The following ABCD2 variants were observed in gnomAD, a reference collection of about 807,000 sequenced individuals.
ABCD2 encodes ATP binding cassette subfamily D member 2.
ABCD2 carries 36 observed loss-of-function variants against 70.9 expected under a neutral mutation model. That is an observed-to-expected ratio of 0.51 (90% CI 0.39 to 0.67). The LOEUF is 0.67. Among genes scored for constraint, ABCD2 ranks in the 30% least tolerant of loss-of-function variants. ABCD2 has a pLI of 0.00. For synonymous variants in ABCD2, 304 were observed against 306.9 expected, an observed-to-expected ratio of 0.99 and a Z score of 0.10; for missense variants, 729 against 890.2, an observed-to-expected ratio of 0.82 and a Z score of 2.30.
At chr12:39,539,353 G>A in the ABCD2 span, among the ~76,000 whole-genome samples, 8 of 152,336 alleles carry the variant, frequency 5.3e-5, no homozygotes, top group Non-Finnish European at 1.0e-4. Flanking sequence ...AACAGAACAT[G>A]TCCTAATTAG....
At chr12:39,588,179 A>G (rs1236798310) in intron 6 of ABCD2, among the ~76,000 whole-genome samples, 2 of 152,300 alleles carry the variant, frequency 1.3e-5, no homozygotes, top group Non-Finnish European at 2.9e-5. Flanking sequence ...AAAAATTTCT[A>G]GCCCTATCTA....
intron 9 of ABCD2, among the ~76,000 whole-genome samples, chr12:39,568,392 A>C (rs2120575702): frequency 6.6e-6 from 1 of 152,196 alleles, no homozygotes; most frequent in South Asian, 2.1e-4. Flanking sequence ...TCCATCACTG[A>C]TACCCTTTCT....
chr12:39,564,982 G>GA (rs1445539674), intron 9 of ABCD2, among the ~76,000 whole-genome samples: 3 of 152,120 alleles, frequency 2.0e-5, no homozygotes, highest in East Asian at 1.9e-4. Flanking sequence ...CTGTTCCATT[G>GA]GCTATATCTC....
the ABCD2 span, among the ~76,000 whole-genome samples, chr12:39,534,210 G>A: frequency 6.6e-6 from 1 of 152,168 alleles, no homozygotes; most frequent in African/African-American, 2.4e-5. Flanking sequence ...GCCCCTGCCA[G>A]TCCAGTTGTT....
At chr12:39,598,307 C>T (rs142981396) in intron 6 of ABCD2, among the ~76,000 whole-genome samples, 7 of 152,152 alleles carry the variant, frequency 4.6e-5, no homozygotes, top group African/African-American at 1.7e-4. Context: ...GAATTTCATA[C>T]ATAAGTGTCA....
intron 9 of ABCD2, among the ~76,000 whole-genome samples, chr12:39,561,301 G>A (rs1941254737): frequency 6.6e-6 from 1 of 150,514 alleles, no homozygotes; most frequent in African/African-American, 2.5e-5. Flanking sequence ...GCTGAGGCAG[G>A]AGAATCACTT....
intron 3 of ABCD2, among the ~76,000 whole-genome samples, chr12:39,606,877 C>T (rs183676828): frequency 1.3e-5 from 2 of 152,148 alleles, no homozygotes; most frequent in Non-Finnish European, 2.9e-5. Flanking sequence ...TTATTAACCA[C>T]ACAGTATTCC....
chr12:39,608,636 G>A (rs544633982), intron 2 of ABCD2, among the ~76,000 whole-genome samples: 3 of 151,582 alleles, frequency 2.0e-5, no homozygotes, highest in South Asian at 2.1e-4. Context: ...TGCAGTGAGC[G>A]GAGATCACAC....
intron 3 of ABCD2, among the ~76,000 whole-genome samples, chr12:39,606,515 GATAA>G (rs760506658): frequency 1.3e-5 from 2 of 152,268 alleles, no homozygotes; most frequent in South Asian, 2.1e-4. Flanking sequence ...TTTAATGTGA[GATAA>G]ATAAAATTTT....
the ABCD2 span, among the ~76,000 whole-genome samples, chr12:39,541,832 A>G: frequency 6.6e-6 from 1 of 152,216 alleles, no homozygotes; most frequent in Non-Finnish European, 1.5e-5. Flanking sequence ...ACAAACAACT[A>G]CACACTACAA....
In ABCD2 at chr12:39,604,008, T is replaced by C. The variant is rs1566580513; in HGVS notation, c.1406-2A>G. On this transcript the variant is annotated splice_acceptor_variant, in intron 4 of 9. Coordinates refer to ENST00000308666, the MANE Select transcript of ABCD2 (RefSeq NM_005164.4). LOFTEE classifies it high-confidence loss of function. ...CGTGATCCACATCAATAACTTTTCC[T>C]GTAATTAAGAAAAAGTGTAAGATAC... 1 of 1,598,470 alleles carries C rather than the reference T, an allele frequency of 6.3e-7. No homozygotes were observed. The highest frequency in any genetic ancestry group is 8.6e-7 in the Non-Finnish European group (1 of 1,167,516).
At chr12:39,586,468 C>T (rs1328977811) in intron 6 of ABCD2, among the ~76,000 whole-genome samples, 171 bp from the exon 7 acceptor site, 1 of 152,130 alleles carries the variant, frequency 6.6e-6, no homozygotes, top group Non-Finnish European at 1.5e-5. Context: ...TAAACAATAC[C>T]GTTATGTTTA....
chr12:39,575,757 G>A (rs758044347), intron 8 of ABCD2, among the ~76,000 whole-genome samples: 66 of 151,972 alleles, frequency 4.3e-4, no homozygotes, highest in Non-Finnish European at 6.3e-4. Flanking sequence ...TTTATCTTTT[G>A]TCAAAAGATT....
the ABCD2 span, among the ~76,000 whole-genome samples, chr12:39,534,936 GA>G: frequency 3.5e-5 from 4 of 113,560 alleles, no homozygotes; most frequent in Admixed American, 3.4e-4. Context: ...AAGAAAGAAA[GA>G]AAGAAAGAAA....
intron 8 of ABCD2, among the ~76,000 whole-genome samples, chr12:39,576,606 CAT>C (rs995764620): frequency 2.0e-5 from 3 of 152,246 alleles, no homozygotes; most frequent in Admixed American, 1.3e-4. Flanking sequence ...TTATAAATAA[CAT>C]GTTATGAACA....
chr12:39,592,592 C>T (rs1201791157), intron 6 of ABCD2, among the ~76,000 whole-genome samples: 1 of 152,196 alleles, frequency 6.6e-6, no homozygotes, highest in Non-Finnish European at 1.5e-5. Context: ...ACTCCCAAAG[C>T]CATATTTCTT....
intron 9 of ABCD2, 73 bp from the exon 10 acceptor site, chr12:39,554,204 C>A: frequency 7.0e-7 from 1 of 1,434,170 alleles, no homozygotes; most frequent in South Asian, 1.4e-5. Flanking sequence ...GTTTATCATT[C>A]AAATTGATAC....
At chr12:39,567,713 C>T (rs1454023458) in intron 9 of ABCD2, among the ~76,000 whole-genome samples, 1 of 152,194 alleles carries the variant, frequency 6.6e-6, no homozygotes, top group Non-Finnish European at 1.5e-5. Context: ...GCAATTTCTT[C>T]CTAGTCTGCA....
chr12:39,575,037 A>G (rs1437984948), intron 8 of ABCD2, among the ~76,000 whole-genome samples: 1 of 152,156 alleles, frequency 6.6e-6, no homozygotes, highest in Non-Finnish European at 1.5e-5. Context: ...TGGTTTAAGT[A>G]TTAAGCATTA....
Sources: gnomAD v4.1 joint callset for allele counts (sites outside exome capture counted in the v4.1 genomes callset) on GRCh38, gnomAD v4.1.1 for gene constraint, MANE v1.5 for transcripts, NCBI Gene and HGNC (gene_info 2026-07-23, HGNC 2026-07-21) for gene names.